The following SGSM1 variants were observed in gnomAD, a reference collection of about 807,000 sequenced individuals.
The protein encoded by SGSM1 is RUN and TBC1 domain containing 2.
Under a neutral mutation model 133.8 loss-of-function variants are expected in SGSM1, and 73 were observed. That is an observed-to-expected ratio of 0.55 (90% CI 0.45 to 0.66). The LOEUF is 0.66. Among genes scored for constraint, SGSM1 ranks in the 30% least tolerant of loss-of-function variants. The pLI is 0.00. For missense variants in SGSM1, 1,213 were observed against 1,448.1 expected (o/e 0.84, Z 2.64); for synonymous variants, 563 against 573.0 (o/e 0.98, Z 0.25).
At chr22:24,809,861 G>A (rs1927629963) in intron 2 of SGSM1, among the ~76,000 whole-genome samples, 1 of 152,222 alleles carries the variant, frequency 6.6e-6, no homozygotes, top group African/African-American at 2.4e-5. Flanking sequence ...ACCCAAAACA[G>A]GGACAACTGA....
At position 24,908,396 on chromosome 22, in the gene SGSM1, A is replaced by G. The variant is rs1601981954; in HGVS notation, c.2818+3209A>G. 3.3e-5 allele frequency among the ~76,000 whole-genome samples: 5 copies of G among 152,362 alleles called. 1 individual carries two copies. The South Asian group carries it at 1.0e-3, about 32-fold the overall frequency. Reference sequence around the variant, plus strand: ...TAAAAACTTTTGTACTTCAAAGAACACCATCAAGAAAGTGGAAAGAACCCA... The same window carrying G: ...TAAAAACTTTTGTACTTCAAAGAACGCCATCAAGAAAGTGGAAAGAACCCA... On this transcript the variant is annotated intron_variant, in intron 21 of 24. Coordinates refer to ENST00000400358, the MANE Select transcript of SGSM1 (RefSeq NM_001098497.3).
At chr22:24,920,104 A>G (rs1328930992) in intron 24 of SGSM1, 111 bp downstream of exon 24, 5 of 1,157,426 alleles carry the variant, frequency 4.3e-6, no homozygotes, top group Non-Finnish European at 6.0e-6. Context: ...TGAAGGGGAT[A>G]AAGAGGGCTC....
At chr22:24,887,659 A>G (rs1049280841) in intron 16 of SGSM1, among the ~76,000 whole-genome samples, 3 of 150,384 alleles carry the variant, frequency 2.0e-5, no homozygotes, top group Admixed American at 6.7e-5. Flanking sequence ...GAAACTGGCA[A>G]ACTTTCACAG....
chr22:24,889,199 A>T (rs1932759479), intron 16 of SGSM1, among the ~76,000 whole-genome samples: 1 of 151,862 alleles, frequency 6.6e-6, no homozygotes, highest in Non-Finnish European at 1.5e-5. Flanking sequence ...TGACCTCGTG[A>T]TCCGCCTGCC....
At chr22:24,821,648 G>A (rs536335745) in intron 2 of SGSM1, among the ~76,000 whole-genome samples, 6 of 152,308 alleles carry the variant, frequency 3.9e-5, no homozygotes, top group East Asian at 1.9e-4. Flanking sequence ...CAAAGGAGGC[G>A]CTTGGCCTGT....
chr22:24,812,170 AAAAAAAG>A (rs1927784754), intron 2 of SGSM1, among the ~76,000 whole-genome samples: 2 of 88,472 alleles, frequency 2.3e-5, no homozygotes, highest in African/African-American at 3.8e-5. Flanking sequence ...ACTCCGTCTC[AAAAAAAG>A]AAAAAAAAAA....
rs754571599 is a variant in SGSM1 at position 24,847,803 on chromosome 22, G to A, written c.302+7G>A. The A allele has an allele frequency of 6.2e-7, 1 of 1,613,016 alleles. No homozygotes were observed. Among genetic ancestry groups the A allele is most frequent in the South Asian group, 1.1e-5 (1 of 90,910 alleles). ...AGCAGCTGATCGAGAGCGCGTGAGT[G>A]CAAAGCATGGGGCACAGGTGGGAGC... On this transcript the variant is annotated splice_region_variant and intron_variant, in intron 4 of 24. Coordinates refer to ENST00000400358, the MANE Select transcript of SGSM1 (RefSeq NM_001098497.3).
chr22:24,895,258 C>T lies in SGSM1; in HGVS notation c.1989C>T (p.Ile663=). 1 of 1,612,254 alleles carries T rather than the reference C, an allele frequency of 6.2e-7. No individual in the cohort carries two copies. Among genetic ancestry groups the T allele is most frequent in the Admixed American group, 1.7e-5 (1 of 59,818 alleles). The change falls in exon 18 of 25, where the codon ATC becomes ATT. Residue 663 remains isoleucine (I), a synonymous_variant. Coordinates refer to ENST00000400358, the MANE Select transcript of SGSM1 (RefSeq NM_001098497.3). Reference sequence around the variant, plus strand: ...GCTGCAGTTCGGGCCGCCAGAACATCCGCCTGCACAGCGACTCCAGCAGCA... The same window carrying T: ...GCTGCAGTTCGGGCCGCCAGAACATTCGCCTGCACAGCGACTCCAGCAGCA... ...SQSCSSGRQN[I]RLHSDSSSST...
intron 17 of SGSM1, 32 bp downstream of exon 17, chr22:24,893,645 G>T (rs1932855341): frequency 6.6e-7 from 1 of 1,522,278 alleles, no homozygotes; most frequent in African/African-American, 1.4e-5. Context: ...GGAGCGCGGG[G>T]GCTGGGGAAG....
intron 14 of SGSM1, among the ~76,000 whole-genome samples, chr22:24,881,208 AAAAAG>A (rs1199291129): frequency 7.3e-6 from 1 of 137,366 alleles, no homozygotes; most frequent in Non-Finnish European, 1.6e-5. Context: ...AAAAAAAAAA[AAAAAG>A]ATGGAGATAA....
At chr22:24,893,374 C>T in intron 16 of SGSM1, 57 bp from the exon 17 acceptor site, 1 of 1,587,888 alleles carries the variant, frequency 6.3e-7, no homozygotes, top group Non-Finnish European at 8.6e-7. Context: ...GTTGGTCTGG[C>T]CCTCCCCAGG....
intron 8 of SGSM1, among the ~76,000 whole-genome samples, chr22:24,858,635 CAAAAAAAAAAA>C (rs139699): frequency 2.4e-5 from 2 of 83,030 alleles, no homozygotes; most frequent in African/African-American, 7.2e-5. Flanking sequence ...GACTCCATCT[CAAAAAAAAAAA>C]AAAAAAAAAA....
At chr22:24,854,398 C>A (rs1162941139) in intron 5 of SGSM1, among the ~76,000 whole-genome samples, 1 of 152,172 alleles carries the variant, frequency 6.6e-6, no homozygotes, top group Non-Finnish European at 1.5e-5. Context: ...AGCCAGGCCT[C>A]CACAACCTGC....
chr22:24,822,837 A>C (rs913694037), intron 2 of SGSM1, among the ~76,000 whole-genome samples: 2 of 152,186 alleles, frequency 1.3e-5, no homozygotes, highest in African/African-American at 4.8e-5. Flanking sequence ...CAGCCTCCTC[A>C]CAGGTCTGAT....
At chr22:24,857,415 A>AAG (rs975979709) in intron 8 of SGSM1, among the ~76,000 whole-genome samples, 8 of 151,526 alleles carry the variant, frequency 5.3e-5, no homozygotes, top group Non-Finnish European at 7.4e-5. Context: ...CTCAAAAAAA[A>AAG]AAAAAAAAAG....
intron 21 of SGSM1, among the ~76,000 whole-genome samples, chr22:24,907,117 CAGCATCGTGGCGG>C: frequency 6.8e-6 from 1 of 147,202 alleles, no homozygotes. Context: ...AAAATTAGCC[CAGCATCGTGGCGG>C]GTGCCTGTAA....
chr22:24,867,606 A>G (rs62231153), intron 10 of SGSM1, among the ~76,000 whole-genome samples: 8,015 of 152,282 alleles, frequency 0.053, 316 homozygotes, highest in Non-Finnish European at 0.067. Context: ...CAGAGCCGGG[A>G]CTGGACCCAG....
intron 16 of SGSM1, among the ~76,000 whole-genome samples, chr22:24,890,675 G>A (rs1932800005): frequency 6.6e-6 from 1 of 152,080 alleles, no homozygotes; most frequent in Non-Finnish European, 1.5e-5. Context: ...CAAGTAGCTG[G>A]GACTACAGGC....
chr22:24,877,475 C>T (rs1373712921), intron 13 of SGSM1, among the ~76,000 whole-genome samples: 1 of 152,122 alleles, frequency 6.6e-6, no homozygotes, highest in African/African-American at 2.4e-5. Flanking sequence ...TCAGCCAATT[C>T]ATGAGACTGA....
Sources: gnomAD v4.1 joint callset for allele counts (sites outside exome capture counted in the v4.1 genomes callset) on GRCh38, gnomAD v4.1.1 for gene constraint, MANE v1.5 for transcripts, NCBI Gene and HGNC (gene_info 2026-07-23, HGNC 2026-07-21) for gene names.